MYO18B: variants seen among roughly 807,000 people sequenced by gnomAD.
MYO18B encodes the protein myosin XVIIIB.
In MYO18B, 204 loss-of-function variants were observed where a neutral mutation model predicts 273.0. The ratio of observed to expected loss-of-function variants is 0.75; its 90% CI spans 0.67 to 0.84. The LOEUF (loss-of-function observed/expected upper bound fraction) is 0.84. MYO18B is among the 40% of genes least tolerant of loss of function. The pLI, the probability that MYO18B is intolerant of heterozygous loss-of-function variation, is 0.00. For missense variants in MYO18B, 3,212 were observed against 3,287.6 expected, an observed-to-expected ratio of 0.98 and a Z score of 0.56; for synonymous variants, 1,330 against 1,305.7, an observed-to-expected ratio of 1.02 and a Z score of -0.40.
Position 25,955,244 on chromosome 22 carries a change from C to G in MYO18B, c.6036C>G (p.Thr2012=), listed in dbSNP as rs2092835872. ...GGGAGGAGCTTTCACAGGCGGCCAC[C>G]TCCGAGTCCCAGCAGCGGGAGAGCA... ...KMGEELSQAA[T]SESQQRESSQ... The change falls in exon 39 of 44, where the codon ACC becomes ACG. Residue 2012 remains threonine, a synonymous_variant. Transcript: ENST00000335473. 3 of 1,613,546 alleles carry G rather than the reference C, an allele frequency of 1.9e-6. No individual in the cohort carries two copies. Among genetic ancestry groups the G allele is most frequent in the Non-Finnish European group, 2.5e-6 (3 of 1,179,826 alleles).
chr22:25,803,952 C>T (rs2088335169), intron 12 of MYO18B, among the ~76,000 whole-genome samples: 1 of 141,912 alleles, frequency 7.0e-6, no homozygotes, highest in African/African-American at 2.6e-5. Context: ...AAACATTTTA[C>T]CTCTTGACCC....
intron 17 of MYO18B, among the ~76,000 whole-genome samples, chr22:25,842,408 C>T (rs985410430): frequency 1.3e-5 from 2 of 152,166 alleles, no homozygotes; most frequent in South Asian, 4.1e-4. Flanking sequence ...TGCGGTGGCT[C>T]ACGCCTGTAA....
chr22:26,014,489 T>C (rs1297499905), intron 42 of MYO18B, among the ~76,000 whole-genome samples: 4 of 152,248 alleles, frequency 2.6e-5, no homozygotes, highest in Non-Finnish European at 5.9e-5. Flanking sequence ...ATTTCCCTCT[T>C]TGCAGGATTT....
chr22:25,996,211 A>C (rs1933219791), intron 40 of MYO18B, among the ~76,000 whole-genome samples: 1 of 152,204 alleles, frequency 6.6e-6, no homozygotes, highest in East Asian at 1.9e-4. Flanking sequence ...TAATAATAAG[A>C]AGCAAGTGAA....
intron 33 of MYO18B, among the ~76,000 whole-genome samples, chr22:25,918,671 A>G (rs1049053972): frequency 6.6e-6 from 1 of 152,190 alleles, no homozygotes; most frequent in African/African-American, 2.4e-5. Flanking sequence ...AATCTGAGCC[A>G]TCTCTACTGC....
At chr22:26,016,216 C>G (rs1289586339) in intron 42 of MYO18B, among the ~76,000 whole-genome samples, 1 of 152,190 alleles carries the variant, frequency 6.6e-6, no homozygotes, top group Non-Finnish European at 1.5e-5. Context: ...CTCTACAAAT[C>G]TAGAATTGTG....
intron 39 of MYO18B, among the ~76,000 whole-genome samples, chr22:25,988,094 C>T (rs796992789): frequency 1.3e-5 from 2 of 152,020 alleles, no homozygotes; most frequent in East Asian, 1.9e-4. Context: ...CAGATGCTGT[C>T]GTTGCCTCCC....
chr22:25,861,867 C>G (rs1038968766), intron 21 of MYO18B, among the ~76,000 whole-genome samples: 1 of 152,150 alleles, frequency 6.6e-6, no homozygotes, highest in Admixed American at 6.5e-5. Flanking sequence ...AAATATAGAA[C>G]CTTTGCTCCA....
chr22:25,875,383 A>G (rs952508112), intron 23 of MYO18B, among the ~76,000 whole-genome samples: 2 of 152,234 alleles, frequency 1.3e-5, no homozygotes, highest in African/African-American at 4.8e-5. Context: ...GAGGTGTGTG[A>G]GATGCTCAGG....
chr22:25,774,728 C>T (rs1029953788), intron 7 of MYO18B, among the ~76,000 whole-genome samples: 1 of 152,224 alleles, frequency 6.6e-6, no homozygotes, highest in Non-Finnish European at 1.5e-5. Context: ...GCTGAGACCA[C>T]CTCGAGGATG....
At chr22:25,751,018 C>T (rs1317051866) in intron 1 of MYO18B, among the ~76,000 whole-genome samples, 2 of 152,200 alleles carry the variant, frequency 1.3e-5, no homozygotes, top group African/African-American at 4.8e-5. Context: ...CCCACCACCT[C>T]CTGGCTGGGT....
At chr22:25,812,375 C>G (rs1276735475) in intron 12 of MYO18B, among the ~76,000 whole-genome samples, 7 of 152,178 alleles carry the variant, frequency 4.6e-5, no homozygotes, top group Non-Finnish European at 1.0e-4. Flanking sequence ...ACCTCCATCC[C>G]AGCTGCTTCC....
At chr22:25,946,867 A>T (rs1305979483) in intron 35 of MYO18B, among the ~76,000 whole-genome samples, 1 of 152,164 alleles carries the variant, frequency 6.6e-6, no homozygotes, top group African/African-American at 2.4e-5. Context: ...GCCATTTATT[A>T]TGGAACTACC....
chr22:25,823,434 G>T, intron 12 of MYO18B, 71 bp from the exon 13 acceptor site: 1 of 1,491,020 alleles, frequency 6.7e-7, no homozygotes, highest in Non-Finnish European at 9.1e-7. Flanking sequence ...ATTCTCCGAG[G>T]TCCTCTCGGG....
At chr22:25,797,873 G>A (rs540027265) in intron 11 of MYO18B, 80 bp from the exon 12 acceptor site, 185 of 1,597,074 alleles carry the variant, frequency 1.2e-4, no homozygotes, top group Non-Finnish European at 1.5e-4. Context: ...CCTTCGAGAC[G>A]GAGCTCAGCT....
rs760385579 is a variant in MYO18B, at chr22:25,828,763, C to T, written c.2787-13C>T. On this transcript the variant is annotated splice_polypyrimidine_tract_variant and intron_variant, in intron 14 of 43. Coordinates refer to ENST00000335473, the MANE Select transcript of MYO18B (RefSeq NM_032608.7). Reference sequence around the variant, plus strand: ...GCCATCTCAGACATTCCACCTCTCTCTTCTCTCCCTAGATCCTTTTCCTCC... The same window carrying T: ...GCCATCTCAGACATTCCACCTCTCTTTTCTCTCCCTAGATCCTTTTCCTCC... 6.2e-7 allele frequency: 1 copy of T among 1,609,482 alleles called. No individual in the cohort carries two copies. The highest frequency in any genetic ancestry group is 2.2e-5 in the East Asian group (1 of 44,780).
At position 25,939,733 on chromosome 22, in the gene MYO18B, A is replaced by G. The variant is rs538784748; in HGVS notation, c.5518-6404A>G. Among the ~76,000 whole-genome samples the G allele has an allele frequency of 1.6e-4, 24 of 152,316 alleles. 1 individual carries two copies. In the Middle Eastern group the frequency reaches 0.014, roughly 86 times the overall value. On this transcript the variant is annotated intron_variant, in intron 34 of 43. Coordinates refer to ENST00000335473, the MANE Select transcript of MYO18B (RefSeq NM_032608.7). ...GCATGTACCATACCACATTTTTTGT[A>G]CAGAGCGTCTGTAGTGGGCACTATT...
At chr22:25,897,576 C>T (rs2091836943) in intron 28 of MYO18B, 5 of 152,268 alleles carry the variant, frequency 3.3e-5, no homozygotes, top group East Asian at 1.9e-4. Context: ...AAACAGCAAC[C>T]TTTTCTGAGC....
At chr22:25,789,751 G>A (rs1381875604) in intron 11 of MYO18B, among the ~76,000 whole-genome samples, 1 of 152,044 alleles carries the variant, frequency 6.6e-6, no homozygotes, top group African/African-American at 2.4e-5. Flanking sequence ...GAAAACAAGC[G>A]CCATTCACCT....
Sources: gnomAD v4.1 joint callset for allele counts (sites outside exome capture counted in the v4.1 genomes callset) on GRCh38, gnomAD v4.1.1 for gene constraint, MANE v1.5 for transcripts, NCBI Gene and HGNC (gene_info 2026-07-23, HGNC 2026-07-21) for gene names.